ZNF616: variants seen among roughly 807,000 people sequenced by gnomAD.
ZNF616 encodes zinc finger protein 616.
Under a neutral mutation model 7.6 loss-of-function variants are expected in ZNF616, and 5 were observed. That is an observed-to-expected ratio of 0.66 (90% CI 0.34 to 1.38). The LOEUF (loss-of-function observed/expected upper bound fraction) is 1.38. Ranked by LOEUF, ZNF616 falls within the 40% of genes most tolerant of loss-of-function variation. ZNF616 has a pLI of 0.04. For synonymous variants in ZNF616, 319 were observed against 317.2 expected, an observed-to-expected ratio of 1.01 and a Z score of -0.06; for missense variants, 913 against 948.3, an observed-to-expected ratio of 0.96 and a Z score of 0.49.
At chr19:52,118,628 A>G (rs1281825135) in intron 3 of ZNF616, among the ~76,000 whole-genome samples, 1 of 152,258 alleles carries the variant, frequency 6.6e-6, no homozygotes, top group Non-Finnish European at 1.5e-5. Context: ...ATCTGTGAAA[A>G]GGGAATTTCT....
intron 2 of ZNF616, among the ~76,000 whole-genome samples, chr19:52,130,152 A>G (rs750916431): frequency 1.3e-5 from 2 of 152,116 alleles, no homozygotes; most frequent in Admixed American, 1.3e-4. Context: ...GGTCTACAGA[A>G]AGCTGACAGT....
rs890722598 is a variant in ZNF616 at position 52,114,766 on chromosome 19, G to A, written c.*52C>T. 1 of 1,507,768 alleles carries A rather than the reference G, an allele frequency of 6.6e-7. No homozygotes were observed. Among genetic ancestry groups the A allele is most frequent in the Non-Finnish European group, 8.9e-7 (1 of 1,125,742 alleles). 93.4% of individuals were successfully genotyped at this position (1,507,768 alleles called of 1,614,324 possible). On this transcript the variant is annotated 3_prime_UTR_variant, in exon 4 of 4. Coordinates refer to ENST00000600228, the MANE Select transcript of ZNF616 (RefSeq NM_178523.5). ...TTCAAGAGAAGGGGTAAATATACAA[G>A]GTATATCAGTAAGTAGGAATTATTC...
chr19:52,117,997 A>G (rs1225325969), intron 3 of ZNF616, among the ~76,000 whole-genome samples: 1 of 152,120 alleles, frequency 6.6e-6, no homozygotes, highest in Non-Finnish European at 1.5e-5. Context: ...GGCTGGAGTA[A>G]AGTGGCATAA....
At position 52,114,735 on chromosome 19, in the gene ZNF616, A is replaced by T; in HGVS notation, c.*83T>A. On this transcript the variant is annotated 3_prime_UTR_variant, in exon 4 of 4. Transcript: ENST00000600228. ...CCAATACTGGAGATTACAATTCCAC[A>T]GGGATTTCAAGAGAAGGGGTAAATA... 6.8e-7 allele frequency: 1 copy of T among 1,460,490 alleles called. No individual in the cohort carries two copies. The highest frequency in any genetic ancestry group is 1.4e-5 in the African/African-American group (1 of 70,460). The allele number at this position is 1,460,490 out of a possible 1,614,324, so 90.5% of individuals were successfully genotyped here.
rs576073994 is a variant in ZNF616 at position 52,115,703 on chromosome 19, A to G, written c.1461T>C (p.His487=). The G allele has an allele frequency of 6.2e-6, 10 of 1,611,280 alleles. No homozygotes were observed. The African/African-American group carries it at 1.3e-4, about 22-fold the overall frequency. ...TGCATTTGTAAGGTTTCTCTCCAGTATGAATTCTCTGATGAGCTGCAAGTC... is the reference window on the plus strand; with the variant it reads ...TGCATTTGTAAGGTTTCTCTCCAGTGTGAATTCTCTGATGAGCTGCAAGTC... ...HSRLAAHQRI[H]TGEKPYKCNE... is the part of the protein sequence containing the mutation. The change falls in exon 4 of 4, where the codon CAT becomes CAC. Residue 487 remains histidine (H), a synonymous_variant. Coordinates refer to ENST00000600228, the MANE Select transcript of ZNF616 (RefSeq NM_178523.5).
At chr19:52,118,743 CTTTA>C (rs2122145949) in intron 3 of ZNF616, among the ~76,000 whole-genome samples, 1 of 152,300 alleles carries the variant, frequency 6.6e-6, no homozygotes, top group South Asian at 2.1e-4. Flanking sequence ...TGTTGATATG[CTTTA>C]TTTAACAAAG....
intron 3 of ZNF616, among the ~76,000 whole-genome samples, chr19:52,117,653 A>G (rs1285216899): frequency 6.6e-6 from 1 of 152,134 alleles, no homozygotes; most frequent in African/African-American, 2.4e-5. Flanking sequence ...TTCTAAACAA[A>G]TCTCCCTTTA....
chr19:52,132,640 C>G (rs1271402776), intron 1 of ZNF616, among the ~76,000 whole-genome samples: 1 of 152,278 alleles, frequency 6.6e-6, no homozygotes, highest in East Asian at 1.9e-4. Context: ...TGCTCCTGCT[C>G]CCGCCACGTG....
chr19:52,131,587 G>C (rs1164958798), intron 1 of ZNF616, among the ~76,000 whole-genome samples: 1 of 152,164 alleles, frequency 6.6e-6, no homozygotes, highest in Non-Finnish European at 1.5e-5. Flanking sequence ...TGCAATCCTA[G>C]AATCAGACAA....
chr19:52,116,605 A>T lies in ZNF616; in HGVS notation c.559T>A (p.Cys187Ser). Residue 187 changes from cysteine (C) to serine (S), a missense_variant, in exon 4 of 4, where the codon TGT (cysteine) becomes AGT (serine). Coordinates refer to ENST00000600228, the MANE Select transcript of ZNF616 (RefSeq NM_178523.5). ...SPHIREKTYV[C>S]NECGKAFKAS... ...TTAAAGGCTTTGCCACATTCATTAC[A>T]TACATACGTTTTTTCCCTAATGTGT... 1.2e-6 allele frequency: 2 copies of T among 1,614,128 alleles called. No homozygotes were observed. The highest frequency in any genetic ancestry group is 1.1e-5 in the South Asian group (1 of 91,084).
intron 2 of ZNF616, among the ~76,000 whole-genome samples, chr19:52,127,664 C>G (rs1200310160): frequency 6.6e-6 from 1 of 152,112 alleles, no homozygotes; most frequent in Non-Finnish European, 1.5e-5. Flanking sequence ...GTATAGCGTC[C>G]TAACAGAAGC....
At chr19:52,136,144 C>CG (rs376361289) in intron 1 of ZNF616, among the ~76,000 whole-genome samples, 11,725 of 52,908 alleles carry the variant, frequency 0.22, 820 homozygotes, top group East Asian at 0.34. Flanking sequence ...AAAAAAAAAG[C>CG]GGGGGGGGGA....
chr19:52,126,157 T>C (rs2088905505), intron 2 of ZNF616, among the ~76,000 whole-genome samples: 1 of 152,138 alleles, frequency 6.6e-6, no homozygotes, highest in African/African-American at 2.4e-5. Flanking sequence ...AAATACGGTC[T>C]ACAAAAAGAA....
At position 52,115,889 on chromosome 19, in the gene ZNF616, T is replaced by C; in HGVS notation, c.1275A>G (p.Ala425=). 1 of 1,614,246 alleles carries C rather than the reference T, an allele frequency of 6.2e-7. No homozygotes were observed. The highest frequency in any genetic ancestry group is 8.5e-7 in the Non-Finnish European group (1 of 1,180,038). The part of the protein sequence containing the change: ...GKVFSKRSSL[A]VHQRIHTGQK... ...GTCCAGTATGAATTCTCTGATGCAC[T>C]GCAAGACTTGAACGTTTACTGAAGA... Residue 425 remains alanine (A), a synonymous_variant, in exon 4 of 4, where the codon GCA becomes GCG. Transcript: ENST00000600228.
At chr19:52,118,597 G>A (rs1182229166) in intron 3 of ZNF616, among the ~76,000 whole-genome samples, 1 of 152,200 alleles carries the variant, frequency 6.6e-6, no homozygotes, top group Non-Finnish European at 1.5e-5. Context: ...GTTCTGACAT[G>A]TTAGACTTCT....
At position 52,114,728 on chromosome 19, in the gene ZNF616, A is replaced by G. The variant is rs780060537; in HGVS notation, c.*90T>C. 268 of 1,448,298 alleles carry G rather than the reference A, an allele frequency of 1.9e-4. No individual in the cohort carries two copies. Among genetic ancestry groups the G allele is most frequent in the Middle Eastern group, 4.9e-4 (2 of 4,054 alleles). 89.7% of individuals were successfully genotyped at this position (1,448,298 alleles called of 1,614,324 possible). ...CCCACCTCCAATACTGGAGATTACA[A>G]TTCCACAGGGATTTCAAGAGAAGGG... is the stretch of plus-strand genomic sequence containing the variant. On this transcript the variant is annotated 3_prime_UTR_variant, in exon 4 of 4. Transcript: ENST00000600228.
rs769899085 is a variant in ZNF616 at position 52,124,072 on chromosome 19, A to G, written c.13-23T>C. On this transcript the variant is annotated intron_variant, in intron 2 of 3. Transcript: ENST00000600228. ...CCCCTGAAATGAAAAACACATTTCA[A>G]AAAGAAGCAATATGAGAGCTCTTCT... The G allele has an allele frequency of 8.2e-6, 13 of 1,585,682 alleles. No homozygotes were observed. In the African/African-American group the frequency reaches 1.1e-4, roughly 13 times the overall value.
At position 52,116,913 on chromosome 19, in the gene ZNF616, T is replaced by A. The variant is rs746525602; in HGVS notation, c.251A>T (p.Asn84Ile). 7 of 1,613,928 alleles carry A rather than the reference T, an allele frequency of 4.3e-6. No individual in the cohort carries two copies. In the Admixed American group the frequency reaches 1.2e-4, roughly 27 times the overall value. ...TTTCTGTATTTCCCTGAAGTATAAA[T>A]TTTCAATATCATAGCTTTGATGTCT... is the stretch of plus-strand genomic sequence containing the variant. The part of the protein sequence containing the change: ...LERHQSYDIE[N>I]LYFREIQKHL... Residue 84 changes from asparagine to isoleucine, a missense_variant, in exon 4 of 4, where the codon AAT becomes ATT. Asn to Ile is a moderately radical substitution (Grantham distance 149). Coordinates refer to ENST00000600228, the MANE Select transcript of ZNF616 (RefSeq NM_178523.5).
intron 3 of ZNF616, among the ~76,000 whole-genome samples, chr19:52,118,849 A>G (rs917224749): frequency 2.0e-5 from 3 of 152,226 alleles, no homozygotes; most frequent in Non-Finnish European, 4.4e-5. Context: ...ACCACTATTT[A>G]ACACACAAGC....
Sources: allele counts gnomAD v4.1 joint callset (sites outside exome capture counted in the v4.1 genomes callset), GRCh38; gene constraint gnomAD v4.1.1; transcripts MANE v1.5; gene names NCBI Gene and HGNC (gene_info 2026-07-23, HGNC 2026-07-21).